The following PIEZO2 variants were observed in gnomAD, a reference collection of about 807,000 sequenced individuals.
The protein encoded by PIEZO2 is piezo type mechanosensitive ion channel component 2.
In PIEZO2, 172 loss-of-function variants were observed where a neutral mutation model predicts 337.3. That is an observed-to-expected ratio of 0.51 (90% CI 0.45 to 0.58). PIEZO2 has a LOEUF of 0.58. Ranked by LOEUF, PIEZO2 falls within the 20% of genes least tolerant of loss-of-function variation. The pLI, the probability that PIEZO2 is intolerant of heterozygous loss-of-function variation, is 0.00. For synonymous variants in PIEZO2, 1,251 were observed against 1,228.5 expected (o/e 1.02, Z -0.38); for missense variants, 3,028 against 3,391.3 (o/e 0.89, Z 2.66).
chr18:11,144,238 G>T (rs2040750428), intron 1 of PIEZO2, among the ~76,000 whole-genome samples: 1 of 152,152 alleles, frequency 6.6e-6, no homozygotes, highest in Non-Finnish European at 1.5e-5. Context: ...CGTCTGTGTG[G>T]ATGAAATATT....
intron 4 of PIEZO2, among the ~76,000 whole-genome samples, chr18:10,901,051 G>A (rs977364923): frequency 6.6e-6 from 1 of 152,184 alleles, no homozygotes; most frequent in Admixed American, 6.5e-5. Flanking sequence ...TAGTGCCAGA[G>A]AATATTTTAG....
At position 10,859,265 on chromosome 18, in the gene PIEZO2, G is replaced by C. The variant is rs1182764607; in HGVS notation, c.493-2054C>G. ...AGGCTTGGTGGCATGTGCAGAAAGA[G>C]GGTAAGTGTCCCCAGGCCCGTGGCC... On this transcript the variant is annotated intron_variant, in intron 5 of 55. Transcript: ENST00000674853. The surrounding 1 kb of genome is among the most constrained non-coding windows in gnomAD (Gnocchi z 4.9). 1.3e-5 allele frequency among the ~76,000 whole-genome samples: 2 copies of C among 152,158 alleles called. No homozygotes were observed. Among genetic ancestry groups the C allele is most frequent in the Non-Finnish European group, 2.9e-5 (2 of 68,038 alleles).
At position 10,824,003 on chromosome 18, in the gene PIEZO2, T is replaced by C. The variant is rs574220294; in HGVS notation, c.918-16729A>G. 2.0e-5 allele frequency among the ~76,000 whole-genome samples: 3 copies of C among 152,338 alleles called. No homozygotes were observed. Among genetic ancestry groups the C allele is most frequent in the South Asian group, 2.1e-4 (1 of 4,828 alleles). On this transcript the variant is annotated intron_variant, in intron 7 of 55. Transcript: ENST00000674853. The surrounding 1 kb of genome is among the most constrained non-coding windows in gnomAD (Gnocchi z 4.4). ...CTCCTCTTCCTTCTTCCTCAAGCCT[T>C]ATCCTAAGGTCAGTGTATATCATTC...
At position 10,672,887 on chromosome 18, in the gene PIEZO2, A is replaced by G. The variant is rs981244767; in HGVS notation, c.8162-14T>C. 21 of 1,579,738 alleles carry G rather than the reference A, an allele frequency of 1.3e-5. No individual in the cohort carries two copies. Among genetic ancestry groups the G allele is most frequent in the Non-Finnish European group, 1.5e-5 (17 of 1,161,286 alleles). ...TGAAATTATTTTCTAGAAGGGTAGA[A>G]ATGCAAAATTAAGTTGACATGAGAA... is the stretch of plus-strand genomic sequence containing the variant. On this transcript the variant is annotated splice_polypyrimidine_tract_variant and intron_variant, in intron 54 of 55. Transcript: ENST00000674853. This position sits in a 1 kb window ranked among gnomAD's most constrained non-coding sequence, Gnocchi z 4.7.
At chr18:11,093,635 G>A (rs1173809217) in intron 1 of PIEZO2, among the ~76,000 whole-genome samples, 1 of 144,264 alleles carries the variant, frequency 6.9e-6, no homozygotes, top group East Asian at 2.0e-4. Context: ...CGCCCAGGCT[G>A]GAGTGCAGTG....
At chr18:10,871,444 A>G (rs1256678071) in intron 4 of PIEZO2, 29 bp from the exon 5 acceptor site, 3 of 1,517,618 alleles carry the variant, frequency 2.0e-6, no homozygotes, top group Non-Finnish European at 8.8e-7. Flanking sequence ...GGGAGGGGAA[A>G]AAAATTTAGT....
rs1349881006 is a variant in PIEZO2 at position 10,954,163 on chromosome 18, T to A, written c.286+25372A>T. ...ATTTTCAAAATTACTTTGGCTATTGTAGTTTTTTTTCCATATATATTTTAG... is the reference window on the plus strand; with the variant it reads ...ATTTTCAAAATTACTTTGGCTATTGAAGTTTTTTTTCCATATATATTTTAG... On this transcript the variant is annotated intron_variant, in intron 3 of 55. Coordinates refer to ENST00000674853, the MANE Select transcript of PIEZO2 (RefSeq NM_001378183.1). The surrounding 1 kb of genome is among the most constrained non-coding windows in gnomAD (Gnocchi z 4.2). Among the ~76,000 whole-genome samples, 1 of 152,238 alleles carries A rather than the reference T, an allele frequency of 6.6e-6. No homozygotes were observed. Among genetic ancestry groups the A allele is most frequent in the African/African-American group, 2.4e-5 (1 of 41,458 alleles).
rs994681845 is a variant in PIEZO2 at position 10,878,256 on chromosome 18, G to A, written c.330-6841C>T. Among the ~76,000 whole-genome samples the A allele has an allele frequency of 4.6e-5, 7 of 152,206 alleles. No individual in the cohort carries two copies. The highest frequency in any genetic ancestry group is 1.7e-4 in the African/African-American group (7 of 41,442). On this transcript the variant is annotated intron_variant, in intron 4 of 55. Transcript: ENST00000674853. The surrounding 1 kb of genome is among the most constrained non-coding windows in gnomAD (Gnocchi z 4.3). ...GTAAAGGCTGGCTGGATGCATGCTA[G>A]CTCCAGGACATATCGCTGCCTCTTC...
chr18:10,984,154 CA>C (rs201809811), intron 2 of PIEZO2, among the ~76,000 whole-genome samples: 62 of 147,754 alleles, frequency 4.2e-4, no homozygotes, highest in East Asian at 1.8e-3. Flanking sequence ...AATGAATAAT[CA>C]AAAAAAAAAT....
chr18:10,785,057 G>C lies in PIEZO2; in HGVS notation c.2319-100C>G, dbSNP rs1343721480. On this transcript the variant is annotated intron_variant, in intron 16 of 55. Coordinates refer to ENST00000674853, the MANE Select transcript of PIEZO2 (RefSeq NM_001378183.1). ...CATCACAGTCTTACACTCCTGTCAG[G>C]TCTATCGTTTATTGAATCCCTCTCT... The C allele has an allele frequency of 4.6e-6, 6 of 1,303,418 alleles. No individual in the cohort carries two copies. The Admixed American group carries it at 1.1e-4, about 23-fold the overall frequency. The allele number at this position is 1,303,418 out of a possible 1,614,324, so 80.7% of individuals were successfully genotyped here.
At chr18:11,073,415 G>T (rs932089339) in intron 1 of PIEZO2, among the ~76,000 whole-genome samples, 6 of 152,168 alleles carry the variant, frequency 3.9e-5, no homozygotes, top group African/African-American at 1.4e-4. Flanking sequence ...CACCCTGCGG[G>T]AAGCCAGCTG....
intron 4 of PIEZO2, among the ~76,000 whole-genome samples, chr18:10,892,681 G>C (rs934825573): frequency 2.6e-5 from 4 of 152,064 alleles, no homozygotes; most frequent in Non-Finnish European, 5.9e-5. Context: ...GGAGAGGGGC[G>C]GGGGTGAGGG....
chr18:10,843,545 A>C (rs1006943244), intron 7 of PIEZO2, among the ~76,000 whole-genome samples: 39 of 152,296 alleles, frequency 2.6e-4, no homozygotes, highest in African/African-American at 8.2e-4. Flanking sequence ...TCCATACATA[A>C]TGATCATTTG....
Position 10,795,404 on chromosome 18 carries a change from AT to A in PIEZO2, c.1528-403del, listed in dbSNP as rs2039562449. The stretch of plus-strand genomic sequence containing the variant: ...ATTTTATTTTATTTTATTTTATTTT[AT>A]TTTATTCAGCTCTATTGCTTTAAAG... On this transcript the variant is annotated intron_variant, in intron 12 of 55. Coordinates refer to ENST00000674853, the MANE Select transcript of PIEZO2 (RefSeq NM_001378183.1). The surrounding 1 kb of genome is among the most constrained non-coding windows in gnomAD (Gnocchi z 4.4). 8.6e-6 allele frequency among the ~76,000 whole-genome samples: 1 copy of A among 116,296 alleles called. No homozygotes were observed. The allele number at this position is 116,296 out of a possible 152,430, so 76.3% of individuals were successfully genotyped here. A position where few individuals can be genotyped will look rare whatever the true frequency, so the allele number is the denominator to read the frequency against.
At chr18:10,848,198 A>G (rs1267944550) in intron 7 of PIEZO2, among the ~76,000 whole-genome samples, 1 of 152,188 alleles carries the variant, frequency 6.6e-6, no homozygotes, top group Non-Finnish European at 1.5e-5. Flanking sequence ...GCATTCTTTC[A>G]TTTTCTAGAT....
Position 11,143,667 on chromosome 18 carries a change from TCTCTCA to T in PIEZO2, c.64+4852_64+4857del, listed in dbSNP as rs1389237223. On this transcript the variant is annotated intron_variant, in intron 1 of 55. Transcript: ENST00000674853. This position sits in a 1 kb window ranked among gnomAD's most constrained non-coding sequence, Gnocchi z 4.9. ...CTCTCTCTCTCTCTCTCTCTCTCTCTCTCTCACTCTCTCTCTCTCACATAATTTGGC... is the reference window on the plus strand; with the variant it reads ...CTCTCTCTCTCTCTCTCTCTCTCTCTCTCTCTCTCTCTCACATAATTTGGC... Among the ~76,000 whole-genome samples the T allele has an allele frequency of 3.4e-5, 5 of 148,744 alleles. No homozygotes were observed. Among genetic ancestry groups the T allele is most frequent in the African/African-American group, 7.5e-5 (3 of 40,202 alleles).
intron 16 of PIEZO2, among the ~76,000 whole-genome samples, chr18:10,786,574 T>C (rs937262975): frequency 2.6e-5 from 4 of 152,242 alleles, no homozygotes; most frequent in African/African-American, 9.6e-5. Context: ...ATCTCCCACA[T>C]GCACAGGAAC....
At chr18:10,934,246 T>G (rs565112414) in intron 3 of PIEZO2, among the ~76,000 whole-genome samples, 1 of 152,206 alleles carries the variant, frequency 6.6e-6, no homozygotes, top group Non-Finnish European at 1.5e-5. Context: ...ATGGAGGTAG[T>G]GACTACTGTA....
chr18:10,838,620 T>C (rs1439624238), intron 7 of PIEZO2, among the ~76,000 whole-genome samples: 1 of 152,242 alleles, frequency 6.6e-6, no homozygotes, highest in African/African-American at 2.4e-5. Flanking sequence ...GGTGGACAAA[T>C]AGAGGCCACA....
Sources: gnomAD v4.1 joint callset for allele counts (sites outside exome capture counted in the v4.1 genomes callset) on GRCh38, gnomAD v4.1.1 for gene constraint, Gnocchi (gnomAD v3.1) non-coding constraint, MANE v1.5 for transcripts, NCBI Gene and HGNC (gene_info 2026-07-23, HGNC 2026-07-21) for gene names.